Variants in NEK5 observed in about 807,000 individuals in gnomAD.
NEK5 encodes NIMA related kinase 5.
Under a neutral mutation model 109.2 loss-of-function variants are expected in NEK5, and 88 were observed. The ratio of observed to expected loss-of-function variants is 0.81; its 90% CI spans 0.68 to 0.96. The LOEUF is 0.96. Ranked by LOEUF, NEK5 falls within the 40% of genes least tolerant of loss-of-function variation. The probability of loss-of-function intolerance (pLI) is 0.00; values close to 1 mark genes in which losing one functional copy is unlikely to be tolerated. For missense variants in NEK5, 834 were observed against 920.7 expected (o/e 0.91, Z 1.22); for synonymous variants, 283 against 299.9 (o/e 0.94, Z 0.58).
chr13:52,095,068 T>C (rs1289018569), intron 12 of NEK5, among the ~76,000 whole-genome samples: 1 of 152,096 alleles, frequency 6.6e-6, no homozygotes, highest in Non-Finnish European at 1.5e-5. Context: ...AGGCACATGC[T>C]ACTGTGTCCA....
intron 14 of NEK5, 111 bp from the exon 15 acceptor site, chr13:52,087,565 G>T: frequency 1.8e-6 from 1 of 548,692 alleles, no homozygotes; most frequent in Non-Finnish European, 3.2e-6. Context: ...AGCAAACTCA[G>T]TATTTGGGAG....
rs184304663 is a variant in NEK5, at chr13:52,111,700, T to G, written c.312+568A>C. Among the ~76,000 whole-genome samples the G allele has an allele frequency of 2.6e-4, 40 of 152,290 alleles. 2 individuals are homozygous for G. Among genetic ancestry groups the G allele is most frequent in the Admixed American group, 2.4e-3 (36 of 15,300 alleles). On this transcript the variant is annotated intron_variant, in intron 5 of 23. Transcript: ENST00000684899. The stretch of plus-strand genomic sequence containing the variant: ...CACACATACAAACCTGTCTCCTTCA[T>G]GAGTACCACTCCCAAGAGAGTTCCA...
Position 52,112,278 on chromosome 13 carries a change from C to G in NEK5, c.302G>C (p.Ser101Thr), listed in dbSNP as rs759347642. The G allele has an allele frequency of 6.2e-7, 1 of 1,603,210 alleles. No homozygotes were observed. ...RINRQRGVLF[S>T]EDQILGWFVQ... ...ATTAGAAGTTTTTACCTGATCTTCACTAAATAACACACCCCGTTGTCTATT... is the reference window on the plus strand; with the variant it reads ...ATTAGAAGTTTTTACCTGATCTTCAGTAAATAACACACCCCGTTGTCTATT... The change falls in exon 5 of 24, where the codon AGT becomes ACT. Residue 101 changes from serine (S) to threonine (T), a missense_variant. Coordinates refer to ENST00000684899, the MANE Select transcript of NEK5 (RefSeq NM_001365552.1).
chr13:52,057,990 T>G (rs1954577132), intron 22 of NEK5, among the ~76,000 whole-genome samples: 2 of 152,004 alleles, frequency 1.3e-5, no homozygotes, highest in Admixed American at 6.6e-5. Flanking sequence ...AGTATTCAAT[T>G]AGGAAAAGAG....
intron 4 of NEK5, among the ~76,000 whole-genome samples, chr13:52,118,000 C>T (rs750568387): frequency 1.2e-4 from 19 of 152,270 alleles, no homozygotes; most frequent in Non-Finnish European, 2.4e-4. Context: ...AACCCAATTC[C>T]AGACCATGTG....
intron 17 of NEK5, among the ~76,000 whole-genome samples, chr13:52,083,015 C>T (rs1051789695): frequency 2.0e-5 from 3 of 152,120 alleles, no homozygotes; most frequent in Non-Finnish European, 2.9e-5. Context: ...GGCATGGTGG[C>T]GCATGCCTGT....
chr13:52,052,733 C>T (rs912788599), intron 22 of NEK5, among the ~76,000 whole-genome samples: 7 of 152,138 alleles, frequency 4.6e-5, no homozygotes, highest in African/African-American at 1.4e-4. Context: ...TCCCTCTACA[C>T]CCAAGCCACC....
chr13:52,117,021 C>T lies in NEK5; in HGVS notation c.214+2298G>A, dbSNP rs575575477. On this transcript the variant is annotated intron_variant, in intron 4 of 23. Transcript: ENST00000684899. Reference sequence around the variant, plus strand: ...GCAACCTCTGCCTCCCAGGTTCAAGCGATTCTCCTGCCTCAGCCTCCCAAG... The same window carrying T: ...GCAACCTCTGCCTCCCAGGTTCAAGTGATTCTCCTGCCTCAGCCTCCCAAG... Among the ~76,000 whole-genome samples the T allele has an allele frequency of 2.2e-4, 34 of 152,026 alleles. No individual in the cohort carries two copies. In the South Asian group the frequency reaches 2.9e-3, roughly 13 times the overall value.
chr13:52,063,748 G>A (rs562205439), intron 21 of NEK5, among the ~76,000 whole-genome samples: 10 of 150,380 alleles, frequency 6.6e-5, no homozygotes, highest in East Asian at 2.0e-4. Context: ...GGTGAGGAGC[G>A]TCTCTGCCCG....
chr13:52,105,219 C>G (rs1192403476), intron 8 of NEK5, among the ~76,000 whole-genome samples: 1 of 150,962 alleles, frequency 6.6e-6, no homozygotes, highest in African/African-American at 2.4e-5. Context: ...GCTCCTCTAG[C>G]AGCAATGCTT....
intron 3 of NEK5, among the ~76,000 whole-genome samples, chr13:52,123,881 C>T (rs1413260379): frequency 6.7e-6 from 1 of 148,270 alleles, no homozygotes; most frequent in African/African-American, 2.4e-5. Flanking sequence ...CAGGCAACGA[C>T]CTTGGAAGAA....
intron 22 of NEK5, among the ~76,000 whole-genome samples, chr13:52,053,098 C>T (rs1392447500): frequency 3.9e-5 from 6 of 151,986 alleles, no homozygotes; most frequent in Non-Finnish European, 8.8e-5. Context: ...GTCAGGAGTT[C>T]AAAACCAGCC....
intron 23 of NEK5, among the ~76,000 whole-genome samples, chr13:52,047,107 G>C (rs1223559475): frequency 6.6e-6 from 1 of 152,096 alleles, no homozygotes; most frequent in Non-Finnish European, 1.5e-5. Flanking sequence ...CACTGAGCAA[G>C]AGAATGGGGA....
chr13:52,055,961 T>C (rs967375309), intron 22 of NEK5, among the ~76,000 whole-genome samples: 5 of 151,738 alleles, frequency 3.3e-5, no homozygotes, highest in African/African-American at 1.2e-4. Flanking sequence ...TAACTTTAAA[T>C]GTAAATGGAC....
intron 8 of NEK5, among the ~76,000 whole-genome samples, chr13:52,105,889 C>A (rs1208514726): frequency 6.6e-6 from 1 of 151,924 alleles, no homozygotes; most frequent in Non-Finnish European, 1.5e-5. Flanking sequence ...GATGTAGTGA[C>A]AGGGTCTCAC....
At chr13:52,116,117 G>T (rs541748121) in intron 4 of NEK5, among the ~76,000 whole-genome samples, 36 of 148,388 alleles carry the variant, frequency 2.4e-4, no homozygotes, top group African/African-American at 8.5e-4. Flanking sequence ...GAAGGTCAAG[G>T]CTGCAGTGAG....
intron 21 of NEK5, among the ~76,000 whole-genome samples, chr13:52,062,480 T>C (rs937583164): frequency 1.3e-5 from 2 of 151,794 alleles, no homozygotes; most frequent in Non-Finnish European, 2.9e-5. Context: ...GAGTGTAGTG[T>C]CACGATCTTG....
chr13:52,077,514 T>C (rs1291860557), intron 17 of NEK5, among the ~76,000 whole-genome samples: 1 of 152,102 alleles, frequency 6.6e-6, no homozygotes, highest in African/African-American at 2.4e-5. Flanking sequence ...AAGATGAGTG[T>C]GGCCAACTCC....
rs374794752 is a variant in NEK5, at chr13:52,079,249, G to A, written c.1573-3106C>T. ...AAAGCCTGGAGGTTAAAAGGAAGATGTCTTTTTAAATAAGTAGGGCTTTAA... is the reference window on the plus strand; with the variant it reads ...AAAGCCTGGAGGTTAAAAGGAAGATATCTTTTTAAATAAGTAGGGCTTTAA... On this transcript the variant is annotated intron_variant, in intron 17 of 23. Coordinates refer to ENST00000684899, the MANE Select transcript of NEK5 (RefSeq NM_001365552.1). Among the ~76,000 whole-genome samples, 3 of 148,860 alleles carry A rather than the reference G, an allele frequency of 2.0e-5. No homozygotes were observed. In the East Asian group the frequency reaches 5.9e-4, roughly 29 times the overall value.
Sources: gnomAD v4.1 joint callset for allele counts (sites outside exome capture counted in the v4.1 genomes callset) on GRCh38, gnomAD v4.1.1 for gene constraint, MANE v1.5 for transcripts, NCBI Gene and HGNC (gene_info 2026-07-23, HGNC 2026-07-21) for gene names.